The following SSBP2 variants were observed in gnomAD, a reference collection of about 807,000 sequenced individuals.
The protein encoded by SSBP2 is single-stranded DNA-binding protein 2.
A neutral mutation model predicts 61.8 loss-of-function variants in SSBP2; 17 were observed. That is an observed-to-expected ratio of 0.28 (90% confidence interval 0.19 to 0.41). The LOEUF (loss-of-function observed/expected upper bound fraction) is 0.41. Among genes scored for constraint, SSBP2 ranks in the 10% least tolerant of loss-of-function variants. The probability of loss-of-function intolerance (pLI) is 1.00; values close to 1 mark genes in which losing one functional copy is unlikely to be tolerated. For synonymous variants in SSBP2, 139 were observed against 141.3 expected, an observed-to-expected ratio of 0.98 and a Z score of 0.12; for missense variants, 310 against 458.7, an observed-to-expected ratio of 0.68 and a Z score of 2.96.
Position 81,696,258 on chromosome 5 carries a change from C to T in SSBP2, c.63-45919G>A, listed in dbSNP as rs147351258. 3.1e-3 allele frequency among the ~76,000 whole-genome samples: 474 copies of T among 152,286 alleles called. 2 individuals are homozygous for T. Among genetic ancestry groups the T allele is most frequent in the Non-Finnish European group, 6.0e-3 (409 of 68,024 alleles). On this transcript the variant is annotated intron_variant, in intron 1 of 16. Transcript: ENST00000320672. ...TTTTCTAGGTGCGAAGGATTCTCCA[C>T]GCCCAGAATGAGCTTTTATATATAC...
intron 1 of SSBP2, among the ~76,000 whole-genome samples, chr5:81,668,361 G>A (rs1218561648): frequency 1.4e-5 from 2 of 148,096 alleles, no homozygotes; most frequent in South Asian, 2.1e-4. Flanking sequence ...ATTCAAATAC[G>A]AATAGCCAAA....
chr5:81,701,059 A>G (rs1054643827), intron 1 of SSBP2, among the ~76,000 whole-genome samples: 2 of 152,158 alleles, frequency 1.3e-5, no homozygotes, highest in African/African-American at 2.4e-5. Flanking sequence ...CTTTCAGTCT[A>G]TCTTGGCTTT....
chr5:81,694,645 C>T (rs181042252), intron 1 of SSBP2, among the ~76,000 whole-genome samples: 7 of 152,062 alleles, frequency 4.6e-5, no homozygotes, highest in Non-Finnish European at 8.8e-5. Context: ...CACCCTTACC[C>T]CACCACCACC....
intron 1 of SSBP2, among the ~76,000 whole-genome samples, chr5:81,663,786 T>C (rs1396242787): frequency 1.3e-5 from 2 of 152,158 alleles, no homozygotes; most frequent in Admixed American, 1.3e-4. Context: ...TCAAAGAAAG[T>C]GTAGGGTTGA....
intron 2 of SSBP2, among the ~76,000 whole-genome samples, chr5:81,644,535 A>T (rs1749093517): frequency 6.6e-6 from 1 of 152,206 alleles, no homozygotes; most frequent in Non-Finnish European, 1.5e-5. Flanking sequence ...CAAGGAGACC[A>T]CAGAATTTAA....
At chr5:81,586,433 A>G (rs1775058995) in intron 4 of SSBP2, among the ~76,000 whole-genome samples, 1 of 152,188 alleles carries the variant, frequency 6.6e-6, no homozygotes, top group Admixed American at 6.5e-5. Flanking sequence ...ACACTATTTG[A>G]AGTGAAAGGT....
chr5:81,600,998 C>T (rs1744307978), intron 4 of SSBP2, among the ~76,000 whole-genome samples: 2 of 152,168 alleles, frequency 1.3e-5, no homozygotes, highest in Admixed American at 6.6e-5. Flanking sequence ...AGGCGTTGCA[C>T]TATTACCCAA....
At chr5:81,620,355 T>C (rs1334401533) in intron 3 of SSBP2, among the ~76,000 whole-genome samples, 1 of 140,306 alleles carries the variant, frequency 7.1e-6, no homozygotes, top group Admixed American at 7.2e-5. Context: ...CCATTCACAA[T>C]TGCTTCAAAG....
intron 1 of SSBP2, among the ~76,000 whole-genome samples, chr5:81,704,212 T>C (rs907126412): frequency 3.3e-5 from 5 of 152,198 alleles, no homozygotes; most frequent in African/African-American, 4.8e-5. Flanking sequence ...ATGACTACGA[T>C]TGGTGAGGAG....
At chr5:81,694,199 A>G (rs1222969880) in intron 1 of SSBP2, among the ~76,000 whole-genome samples, 1 of 152,194 alleles carries the variant, frequency 6.6e-6, no homozygotes, top group East Asian at 1.9e-4. Flanking sequence ...GGCGAGGAAA[A>G]GTAAGGATGG....
intron 4 of SSBP2, among the ~76,000 whole-genome samples, chr5:81,580,524 CA>C (rs1774559494): frequency 6.6e-6 from 1 of 151,984 alleles, no homozygotes; most frequent in East Asian, 1.9e-4. Context: ...AAAAGTCACC[CA>C]ACCCCGATGT....
chr5:81,684,427 G>C (rs1021296483), intron 1 of SSBP2, among the ~76,000 whole-genome samples: 2 of 152,174 alleles, frequency 1.3e-5, no homozygotes, highest in African/African-American at 4.8e-5. Context: ...ATCAGTGGTT[G>C]CCAGGGGTTC....
chr5:81,470,084 C>T (rs1208391513), intron 8 of SSBP2, among the ~76,000 whole-genome samples: 2 of 152,028 alleles, frequency 1.3e-5, no homozygotes, highest in African/African-American at 2.4e-5. Context: ...GAGAGCCTAT[C>T]ATACATATAT....
intron 3 of SSBP2, among the ~76,000 whole-genome samples, chr5:81,626,451 G>A (rs1290481622): frequency 6.6e-6 from 1 of 152,196 alleles, no homozygotes. Context: ...AGCTGGGCTT[G>A]AGCCTTTTAA....
intron 4 of SSBP2, among the ~76,000 whole-genome samples, chr5:81,551,915 G>A (rs1011313033): frequency 6.6e-6 from 1 of 152,066 alleles, no homozygotes; most frequent in South Asian, 2.1e-4. Flanking sequence ...GATGCTTATT[G>A]TACATTTCTT....
At chr5:81,726,663 C>G (rs1755909986) in intron 1 of SSBP2, among the ~76,000 whole-genome samples, 1 of 152,078 alleles carries the variant, frequency 6.6e-6, no homozygotes, top group African/African-American at 2.4e-5. Flanking sequence ...TCTACTTTTT[C>G]AACAAATATC....
chr5:81,624,884 TACC>T (rs1455723511), intron 3 of SSBP2, among the ~76,000 whole-genome samples: 1 of 152,140 alleles, frequency 6.6e-6, no homozygotes, highest in African/African-American at 2.4e-5. Flanking sequence ...ATGCATTAAA[TACC>T]ACGTCTATAT....
chr5:81,513,983 T>C (rs527318301), intron 4 of SSBP2, among the ~76,000 whole-genome samples: 18 of 152,160 alleles, frequency 1.2e-4, no homozygotes, highest in Admixed American at 2.6e-4. Context: ...TAAATGCAAA[T>C]AGTACTATGA....
intron 1 of SSBP2, among the ~76,000 whole-genome samples, chr5:81,748,462 G>A (rs1757498549): frequency 6.6e-6 from 1 of 152,050 alleles, no homozygotes; most frequent in Admixed American, 6.5e-5. Flanking sequence ...TAAACATAAA[G>A]AGAAAAACCG....
Sources: gnomAD v4.1 joint callset for allele counts (sites outside exome capture counted in the v4.1 genomes callset) on GRCh38, gnomAD v4.1.1 for gene constraint, MANE v1.5 for transcripts, NCBI Gene and HGNC (gene_info 2026-07-23, HGNC 2026-07-21) for gene names.